The following CDH22 variants were observed in gnomAD, a reference collection of about 807,000 sequenced individuals.
The protein encoded by CDH22 is cadherin-22.
Under a neutral mutation model 58.4 loss-of-function variants are expected in CDH22, and 30 were observed. The ratio of observed to expected loss-of-function variants is 0.51; its 90% CI spans 0.38 to 0.70. The LOEUF is 0.70. Among genes scored for constraint, CDH22 ranks in the 30% least tolerant of loss-of-function variants. CDH22 has a pLI of 0.00. For missense variants in CDH22, 1,014 were observed against 1,233.9 expected (o/e 0.82, Z 2.67); for synonymous variants, 513 against 558.2 (o/e 0.92, Z 1.14).
intron 7 of CDH22, among the ~76,000 whole-genome samples, chr20:46,205,133 C>G (rs541773127): frequency 1.3e-5 from 2 of 152,192 alleles, no homozygotes; most frequent in South Asian, 2.1e-4. Flanking sequence ...TCTTTTCCCC[C>G]ACTCCCTTTA....
chr20:46,212,724 G>A (rs763609302), intron 6 of CDH22, among the ~76,000 whole-genome samples: 4 of 152,204 alleles, frequency 2.6e-5, no homozygotes, highest in East Asian at 3.8e-4. Flanking sequence ...TGAAGCACAC[G>A]TCAGAGTGTT....
At chr20:46,233,817 G>A (rs965478358) in intron 3 of CDH22, among the ~76,000 whole-genome samples, 3 of 152,238 alleles carry the variant, frequency 2.0e-5, no homozygotes, top group Non-Finnish European at 2.9e-5. Flanking sequence ...CCCCCAGCAC[G>A]GGTGGTGAGA....
chr20:46,246,183 G>A (rs1366296636), intron 2 of CDH22, among the ~76,000 whole-genome samples: 3 of 152,224 alleles, frequency 2.0e-5, no homozygotes, highest in East Asian at 1.9e-4. Flanking sequence ...CGGACAGTGC[G>A]GCTACGCAAA....
chr20:46,228,691 G>A (rs2086198091), intron 3 of CDH22, among the ~76,000 whole-genome samples: 1 of 152,138 alleles, frequency 6.6e-6, no homozygotes, highest in South Asian at 2.1e-4. Flanking sequence ...ACGACCCAAA[G>A]GGAAGGAGAT....
chr20:46,296,030 TG>T lies in CDH22; in HGVS notation c.-400+12224del, dbSNP rs565134753. 1.8e-4 allele frequency among the ~76,000 whole-genome samples: 28 copies of T among 152,340 alleles called. 1 individual carries two copies. The highest frequency in any genetic ancestry group is 6.8e-3 in the Middle Eastern group (2 of 294). The stretch of plus-strand genomic sequence containing the variant: ...CTCCTGCCTCGGCCTCTCAAAGTGC[TG>T]GGATCACAGGTGGGAACCACCATGC... On this transcript the variant is annotated intron_variant, in intron 1 of 11. Coordinates refer to ENST00000537909, the MANE Select transcript of CDH22 (RefSeq NM_021248.3).
intron 1 of CDH22, among the ~76,000 whole-genome samples, chr20:46,280,308 T>C (rs553453334): frequency 6.6e-6 from 1 of 152,322 alleles, no homozygotes; most frequent in South Asian, 2.1e-4. Context: ...TAGTCCCAGC[T>C]ACTCGGGAGG....
chr20:46,217,852 C>A (rs1303672497), intron 4 of CDH22, among the ~76,000 whole-genome samples: 1 of 152,162 alleles, frequency 6.6e-6, no homozygotes, highest in Non-Finnish European at 1.5e-5. Flanking sequence ...CTAACATATA[C>A]ACACACACTC....
intron 6 of CDH22, 74 bp downstream of exon 6, chr20:46,212,921 C>T (rs1162223547): frequency 7.9e-6 from 10 of 1,267,368 alleles, no homozygotes; most frequent in South Asian, 5.2e-5. Context: ...TGGGGGTATT[C>T]GGCTGCCCAG....
intron 10 of CDH22, among the ~76,000 whole-genome samples, chr20:46,180,489 G>C (rs2085776964): frequency 6.6e-6 from 1 of 152,208 alleles, no homozygotes; most frequent in African/African-American, 2.4e-5. Flanking sequence ...GGGGAAGAAA[G>C]GGGGCTGGAG....
chr20:46,241,564 C>T lies in CDH22; in HGVS notation c.256-307G>A, dbSNP rs898578580. On this transcript the variant is annotated intron_variant, in intron 2 of 11. Transcript: ENST00000537909. The surrounding 1 kb of genome is among the most constrained non-coding windows in gnomAD (Gnocchi z 5.2). ...ACAACCCTCCAGTGGCTTCCCATTG[C>T]CTTCACAAAGAAGTCCAGCACCACC... 6.6e-6 allele frequency among the ~76,000 whole-genome samples: 1 copy of T among 152,190 alleles called. No homozygotes were observed. The highest frequency in any genetic ancestry group is 1.5e-5 in the Non-Finnish European group (1 of 68,036).
intron 1 of CDH22, among the ~76,000 whole-genome samples, chr20:46,258,614 T>G (rs924969393): frequency 1.8e-4 from 27 of 152,202 alleles, no homozygotes; most frequent in Non-Finnish European, 3.4e-4. Flanking sequence ...TGCTCCTGCC[T>G]AGGGCTGGGT....
At position 46,174,792 on chromosome 20, in the gene CDH22, G is replaced by C; in HGVS notation, c.2201C>G (p.Pro734Arg). ...TGGCTCGGGGCTCGGCGGCCCCTGC[G>C]GCAGCGAGTGGCGCTCGGAGGGCAG... ...AHLPSERHSL[P>R]QGPPSPEPDF... is the part of the protein sequence containing the mutation. The change falls in exon 12 of 12, where the codon CCG (proline) becomes CGG (arginine). Residue 734 changes from proline (P) to arginine (R), a missense_variant. Physicochemically the swap from Pro to Arg is moderately radical, Grantham distance 103. Coordinates refer to ENST00000537909, the MANE Select transcript of CDH22 (RefSeq NM_021248.3). The surrounding 1 kb of genome is among the most constrained non-coding windows in gnomAD (Gnocchi z 4.4). 6.7e-7 allele frequency: 1 copy of C among 1,495,228 alleles called. No homozygotes were observed. The highest frequency in any genetic ancestry group is 8.9e-7 in the Non-Finnish European group (1 of 1,128,640). 92.6% of individuals were successfully genotyped at this position (1,495,228 alleles called of 1,614,324 possible).
At chr20:46,192,088 A>G (rs1017479375) in intron 8 of CDH22, among the ~76,000 whole-genome samples, 3 of 152,086 alleles carry the variant, frequency 2.0e-5, no homozygotes, top group Non-Finnish European at 2.9e-5. Context: ...TCCTCTTTGT[A>G]GCATTTACCC....
intron 1 of CDH22, among the ~76,000 whole-genome samples, chr20:46,253,273 T>C (rs1195975376): frequency 2.0e-5 from 3 of 152,250 alleles, no homozygotes; most frequent in African/African-American, 7.2e-5. Context: ...AGTGCTTTTT[T>C]TTCTAGCATC....
rs539088040 is a variant in CDH22 at position 46,240,943 on chromosome 20, C to G, written c.550+20G>C. The G allele has an allele frequency of 1.9e-4, 300 of 1,601,388 alleles. 2 individuals are homozygous for G. The South Asian group carries it at 3.2e-3, about 17-fold the overall frequency. Reference sequence around the variant, plus strand: ...GGATCACCTTGATCCCATCCCCCACCCCCAGGGCCCACAGCCCACCTGTAG... The same window carrying G: ...GGATCACCTTGATCCCATCCCCCACGCCCAGGGCCCACAGCCCACCTGTAG... On this transcript the variant is annotated intron_variant, in intron 3 of 11. Transcript: ENST00000537909.
chr20:46,264,669 C>T (rs936713470), intron 1 of CDH22, among the ~76,000 whole-genome samples: 2 of 152,140 alleles, frequency 1.3e-5, no homozygotes, highest in African/African-American at 4.8e-5. Flanking sequence ...GGGAGGTGCT[C>T]AGTGGCTGCT....
intron 4 of CDH22, among the ~76,000 whole-genome samples, chr20:46,223,668 TC>T (rs1471407676): frequency 2.2e-5 from 1 of 46,450 alleles, no homozygotes; most frequent in Non-Finnish European, 4.3e-5. Flanking sequence ...TTTCTTTCCT[TC>T]TTTCTTTCTT....
intron 1 of CDH22, among the ~76,000 whole-genome samples, chr20:46,278,528 A>C (rs1432301961): frequency 6.6e-6 from 1 of 152,140 alleles, no homozygotes; most frequent in Non-Finnish European, 1.5e-5. Flanking sequence ...GACACCTTTC[A>C]TATCATCAGA....
At position 46,261,387 on chromosome 20, in the gene CDH22, G is replaced by A. The variant is rs543140906; in HGVS notation, c.-399-9694C>T. 5.9e-4 allele frequency among the ~76,000 whole-genome samples: 90 copies of A among 152,332 alleles called. 1 individual carries two copies. Among genetic ancestry groups the A allele is most frequent in the Non-Finnish European group, 1.1e-3 (73 of 68,034 alleles). ...CTCAGCCATTTATTTATTCAGTCATGTATTTATTTAACAACTGTGCTAATC... is the reference window on the plus strand; with the variant it reads ...CTCAGCCATTTATTTATTCAGTCATATATTTATTTAACAACTGTGCTAATC... On this transcript the variant is annotated intron_variant, in intron 1 of 11. Coordinates refer to ENST00000537909, the MANE Select transcript of CDH22 (RefSeq NM_021248.3).
Sources: gnomAD v4.1 joint callset for allele counts (sites outside exome capture counted in the v4.1 genomes callset) on GRCh38, gnomAD v4.1.1 for gene constraint, Gnocchi (gnomAD v3.1) non-coding constraint, MANE v1.5 for transcripts, NCBI Gene and HGNC (gene_info 2026-07-23, HGNC 2026-07-21) for gene names.